The following CEP290 variants were observed in gnomAD, a reference collection of about 807,000 sequenced individuals.
The protein encoded by CEP290 is centrosomal protein of 290 kDa.
Under a neutral mutation model 344.9 loss-of-function variants are expected in CEP290, and 317 were observed. That is an observed-to-expected ratio of 0.92 (90% CI 0.84 to 1.01). The LOEUF (loss-of-function observed/expected upper bound fraction) is 1.01, where lower values mean the gene tolerates loss of function less well. Among genes scored for constraint, CEP290 ranks in the 50% least tolerant of loss-of-function variants. CEP290 has a pLI of 0.00. For missense variants in CEP290, 2,754 were observed against 2,761.4 expected, an observed-to-expected ratio of 1.00 and a Z score of 0.06; for synonymous variants, 932 against 895.8, an observed-to-expected ratio of 1.04 and a Z score of -0.72.
chr12:88,054,289 A>ATTT, intron 51 of CEP290, 51 bp downstream of exon 51: 1 of 1,162,104 alleles, frequency 8.6e-7, no homozygotes, highest in Non-Finnish European at 1.2e-6. Flanking sequence ...AAAACTAATA[A>ATTT]TTTTTTTTTT....
At chr12:88,097,388 G>T (rs538674900) in intron 26 of CEP290, among the ~76,000 whole-genome samples, 1 of 151,772 alleles carries the variant, frequency 6.6e-6, no homozygotes, top group African/African-American at 2.4e-5. Flanking sequence ...CCCTTTGCTC[G>T]GCTCACATTC....
Position 88,059,991 on chromosome 12 carries a change from A to G in CEP290, c.6552T>C (p.Leu2184=). The G allele has an allele frequency of 6.4e-7, 1 of 1,570,420 alleles. No homozygotes were observed. Among genetic ancestry groups the G allele is most frequent in the Non-Finnish European group, 8.6e-7 (1 of 1,159,836 alleles). ...CATAGTGCATGCTCAACTGATGCCC[A>G]AGATGAGCTTTAAGTTTTTCTAATT... ...KAELEKLKAH[L]GHQLSMHYES... Residue 2184 remains leucine (L), a synonymous_variant, in exon 48 of 54, where the codon CTT becomes CTC. Transcript: ENST00000552810.
chr12:88,116,182 T>C (rs1042078889), intron 18 of CEP290: 2 of 337,010 alleles, frequency 5.9e-6, no homozygotes, highest in Non-Finnish European at 8.4e-6. Flanking sequence ...GACACCTTCT[T>C]CATACAGTCA....
intron 3 of CEP290, 51 bp from the exon 4 acceptor site, chr12:88,139,615 G>T: frequency 7.7e-7 from 1 of 1,296,230 alleles, no homozygotes; most frequent in African/African-American, 1.5e-5. Context: ...TGGAATGTAA[G>T]CACTGAAAAT....
chr12:88,067,757 C>T (rs1420009755), intron 44 of CEP290, among the ~76,000 whole-genome samples: 1 of 152,154 alleles, frequency 6.6e-6, no homozygotes, highest in African/African-American at 2.4e-5. Flanking sequence ...CGTAAATTGA[C>T]TTTATTTATT....
chr12:88,115,305 T>A, intron 18 of CEP290, 123 bp from the exon 19 acceptor site: 2 of 695,384 alleles, frequency 2.9e-6, no homozygotes, highest in South Asian at 1.9e-5. Context: ...AAACGAGCTA[T>A]GAAGACATAG....
At chr12:88,115,652 G>T in intron 18 of CEP290, 1 of 1,017,148 alleles carries the variant, frequency 9.8e-7, no homozygotes, top group Non-Finnish European at 1.3e-6. Flanking sequence ...AGTACAATGT[G>T]TATAACTGAT....
Position 88,131,145 on chromosome 12 carries a change from C to A in CEP290, c.495+20G>T. ...AATAAGTACCTTTGTTGAACCACCA[C>A]AACTACTAAAATTTTTTACCTCTCT... On this transcript the variant is annotated intron_variant, in intron 7 of 53. Transcript: ENST00000552810. 1 of 1,493,526 alleles carries A rather than the reference C, an allele frequency of 6.7e-7. No individual in the cohort carries two copies. The highest frequency in any genetic ancestry group is 8.9e-7 in the Non-Finnish European group (1 of 1,126,776). The allele number at this position is 1,493,526 out of a possible 1,614,324, so 92.5% of individuals were successfully genotyped here.
intron 29 of CEP290, among the ~76,000 whole-genome samples, chr12:88,092,398 C>CA (rs1230955687): frequency 1.3e-5 from 2 of 151,996 alleles, no homozygotes; most frequent in Admixed American, 1.3e-4. Flanking sequence ...ACCCCTTCCC[C>CA]AAAAAATCAA....
At chr12:88,121,519 T>G (rs1187430403) in intron 13 of CEP290, among the ~76,000 whole-genome samples, 1 of 152,066 alleles carries the variant, frequency 6.6e-6, no homozygotes, top group Non-Finnish European at 1.5e-5. Flanking sequence ...ACGTGGCCAT[T>G]TGAAATAAAG....
chr12:88,135,574 T>C (rs892731490), intron 6 of CEP290: 2 of 152,186 alleles, frequency 1.3e-5, no homozygotes, highest in African/African-American at 2.4e-5. Context: ...CGATCCATAC[T>C]TTCTCTACCA....
In CEP290 at chr12:88,116,229, C is replaced by T. The variant is rs138921862; in HGVS notation, c.1824+804G>A. 45 of 181,550 alleles carry T rather than the reference C, an allele frequency of 2.5e-4. 1 individual carries two copies. Among genetic ancestry groups the T allele is most frequent in the African/African-American group, 9.8e-4 (41 of 42,042 alleles). 11.2% of individuals were successfully genotyped at this position (181,550 alleles called of 1,614,324 possible). A position where few individuals can be genotyped will look rare whatever the true frequency, so the allele number is the denominator to read the frequency against. On this transcript the variant is annotated intron_variant, in intron 18 of 53. Transcript: ENST00000552810. ...GCATATGTCATTTATTTCTTCATGG[C>T]TTTCCCTACTAAAGGTGCTGACTAA...
At chr12:88,126,171 A>G in intron 12 of CEP290, 145 bp downstream of exon 12, 2 of 525,502 alleles carry the variant, frequency 3.8e-6, no homozygotes, top group Non-Finnish European at 5.9e-6. Flanking sequence ...ACCAGGTGGT[A>G]GAAGAAATTT....
chr12:88,063,318 GA>G (rs1249144180), intron 45 of CEP290, among the ~76,000 whole-genome samples: 4 of 150,896 alleles, frequency 2.7e-5, no homozygotes, highest in African/African-American at 4.9e-5. Flanking sequence ...CTAGCCAAAA[GA>G]AAAAAAAGAT....
intron 44 of CEP290, among the ~76,000 whole-genome samples, chr12:88,065,272 T>C (rs985258169): frequency 8.5e-5 from 13 of 152,132 alleles, no homozygotes; most frequent in African/African-American, 2.7e-4. Context: ...TATATTATTA[T>C]AAAATACCTA....
rs377527761 is a variant in CEP290 at position 88,094,914 on chromosome 12, C to T, written c.3104-939G>A. Among the ~76,000 whole-genome samples, 10 of 151,942 alleles carry T rather than the reference C, an allele frequency of 6.6e-5. No homozygotes were observed. In the East Asian group the frequency reaches 7.7e-4, roughly 12 times the overall value. ...AACTGAGTTTTCTCAAAGTAATATA[C>T]ATTTCCTGAAAAAAAAATTGGTCTC... On this transcript the variant is annotated intron_variant, in intron 27 of 53. Transcript: ENST00000552810.
chr12:88,073,204 C>T (rs1280146727), intron 41 of CEP290, among the ~76,000 whole-genome samples: 1 of 152,170 alleles, frequency 6.6e-6, no homozygotes, highest in East Asian at 1.9e-4. Context: ...TCTAGGAATA[C>T]AACAGTCTTA....
At chr12:88,110,377 G>A (rs1042766753) in intron 22 of CEP290, among the ~76,000 whole-genome samples, 4 of 152,044 alleles carry the variant, frequency 2.6e-5, no homozygotes, top group Non-Finnish European at 4.4e-5. Context: ...ATTTTATTGC[G>A]TAAAGGGAAG....
intron 43 of CEP290, among the ~76,000 whole-genome samples, chr12:88,070,476 C>T (rs1263700653): frequency 5.3e-5 from 8 of 151,556 alleles, no homozygotes; most frequent in African/African-American, 1.7e-4. Context: ...AAACACCTCA[C>T]TTTTTTTTTC....
Sources: allele counts gnomAD v4.1 joint callset (sites outside exome capture counted in the v4.1 genomes callset), GRCh38; gene constraint gnomAD v4.1.1; transcripts MANE v1.5; gene names NCBI Gene and HGNC (gene_info 2026-07-23, HGNC 2026-07-21).